The following PTPN9 variants were observed in gnomAD, a reference collection of about 807,000 sequenced individuals.
PTPN9 encodes tyrosine-protein phosphatase non-receptor type 9.
PTPN9 carries 26 observed loss-of-function variants against 69.8 expected under a neutral mutation model. The observed-to-expected ratio is 0.37, with a 90% CI of 0.27 to 0.52. The LOEUF (loss-of-function observed/expected upper bound fraction) is 0.52, where lower values mean the gene tolerates loss of function less well. Ranked by LOEUF, PTPN9 falls within the 20% of genes least tolerant of loss-of-function variation. The pLI is 0.91. For synonymous variants in PTPN9, 274 were observed against 272.5 expected, an observed-to-expected ratio of 1.01 and a Z score of -0.05; for missense variants, 549 against 740.3, an observed-to-expected ratio of 0.74 and a Z score of 3.00.
At position 75,551,000 on chromosome 15, in the gene PTPN9, A is replaced by G. The variant is rs189569078; in HGVS notation, c.64-23739T>C. On this transcript the variant is annotated intron_variant, in intron 1 of 12. Transcript: ENST00000618819. ...TGGAAGGAGAGAGACAAACAGACCA[A>G]TGTTTACTGAGTGCTTATAGTGTGC... Among the ~76,000 whole-genome samples the G allele has an allele frequency of 1.1e-3, 163 of 152,248 alleles. 1 individual carries two copies. The highest frequency in any genetic ancestry group is 3.8e-3 in the African/African-American group (156 of 41,538).
chr15:75,556,836 C>G (rs570651263), intron 1 of PTPN9, among the ~76,000 whole-genome samples: 4 of 152,126 alleles, frequency 2.6e-5, no homozygotes, highest in Non-Finnish European at 5.9e-5. Flanking sequence ...AAACTCTGTA[C>G]CCATTAAACA....
In PTPN9 at chr15:75,465,447, G is replaced by A. The variant is rs1177490152; in HGVS notation, c.*3322C>T. On this transcript the variant is annotated 3_prime_UTR_variant, in exon 13 of 13. Transcript: ENST00000618819. ...GCTTTGTTCACTAAGTCTCCTGTATGAGAACCCTGACTTGCCAAACAGATT... is the reference window on the plus strand; with the variant it reads ...GCTTTGTTCACTAAGTCTCCTGTATAAGAACCCTGACTTGCCAAACAGATT... The A allele has an allele frequency of 1.3e-5, 2 of 152,208 alleles. No homozygotes were observed. The allele number at this position is 152,208 out of a possible 1,614,324, so 9.4% of individuals were successfully genotyped here. A position where few individuals can be genotyped will look rare whatever the true frequency, so the allele number is the denominator to read the frequency against.
At chr15:75,534,585 G>A (rs1460676627) in intron 1 of PTPN9, among the ~76,000 whole-genome samples, 2 of 151,884 alleles carry the variant, frequency 1.3e-5, no homozygotes, top group East Asian at 1.9e-4. Context: ...TGAGGTGGGA[G>A]GAGTGCTTGA....
intron 8 of PTPN9, among the ~76,000 whole-genome samples, chr15:75,482,193 C>T (rs951036380): frequency 2.6e-5 from 4 of 151,732 alleles, no homozygotes; most frequent in South Asian, 2.1e-4. Context: ...TGTGCTGTGT[C>T]CACTCAGGGT....
chr15:75,494,852 C>G (rs1314590042), intron 7 of PTPN9, among the ~76,000 whole-genome samples: 1 of 151,398 alleles, frequency 6.6e-6, no homozygotes, highest in East Asian at 2.0e-4. Flanking sequence ...GGTGAAACTC[C>G]GTTTCTACCA....
chr15:75,518,750 G>A (rs2074885479), intron 4 of PTPN9, among the ~76,000 whole-genome samples: 1 of 150,990 alleles, frequency 6.6e-6, no homozygotes, highest in Non-Finnish European at 1.5e-5. Flanking sequence ...CCAAGAGGCA[G>A]AGGTTGCAGT....
At chr15:75,513,611 AC>A (rs2074854036) in intron 5 of PTPN9, among the ~76,000 whole-genome samples, 1 of 152,056 alleles carries the variant, frequency 6.6e-6, no homozygotes, top group Non-Finnish European at 1.5e-5. Flanking sequence ...TACTAAAAAT[AC>A]AAAAATTAGC....
chr15:75,509,206 T>C (rs1248806918), intron 5 of PTPN9, among the ~76,000 whole-genome samples, 179 bp from the exon 6 acceptor site: 1 of 152,214 alleles, frequency 6.6e-6, no homozygotes, highest in Non-Finnish European at 1.5e-5. Context: ...AATTAGAAGC[T>C]GATTTACCTT....
intron 1 of PTPN9, chr15:75,570,397 C>A: frequency 6.6e-6 from 1 of 152,198 alleles, no homozygotes. Context: ...AAAACCCTTG[C>A]CTTTGGGAAA....
chr15:75,505,879 T>G lies in PTPN9; in HGVS notation c.764A>C (p.Asn255Thr). 1.2e-6 allele frequency: 2 copies of G among 1,614,088 alleles called. No homozygotes were observed. The highest frequency in any genetic ancestry group is 1.7e-6 in the Non-Finnish European group (2 of 1,180,022). The part of the protein sequence containing the change: ...TWNFQFLPQV[N>T]GHPDPFDEII... ...CTCATCGAAGGGATCTGGGTGGCCG[T>G]TCACCTGGGGTAGGAACTGGAAATT... The change falls in exon 7 of 13, where the codon AAC (asparagine) becomes ACC (threonine). Residue 255 changes from asparagine (N) to threonine (T), a missense_variant. Asn to Thr is a moderately conservative substitution (Grantham distance 65, BLOSUM62 0). Transcript: ENST00000618819.
intron 1 of PTPN9, among the ~76,000 whole-genome samples, chr15:75,552,902 G>T (rs2075062157): frequency 6.6e-6 from 1 of 151,304 alleles, no homozygotes; most frequent in Non-Finnish European, 1.5e-5. Flanking sequence ...GGTAAAAATA[G>T]AACACAAATC....
intron 5 of PTPN9, among the ~76,000 whole-genome samples, chr15:75,512,166 AG>A (rs1300446690): frequency 2.0e-5 from 3 of 151,940 alleles, no homozygotes; most frequent in Non-Finnish European, 4.4e-5. Flanking sequence ...TATTTTAAGA[AG>A]CTGTTTCTAA....
rs369309692 is a variant in PTPN9 at position 75,469,947 on chromosome 15, T to C, written c.1412A>G (p.Tyr471Cys). ...THFQFLSWPDYGVPSSAASLI... is the reference protein window; with the variant it reads ...THFQFLSWPDCGVPSSAASLI... ...GGAAGCTGCTGAGGAAGGGACACCA[T>C]AGTCTGGCCAGCTCAAGAACTGGAA... Residue 471 changes from tyrosine (Y) to cysteine (C), a missense_variant, in exon 12 of 13, where the codon TAT becomes TGT. Physicochemically the swap from Tyr to Cys is radical, Grantham distance 194. Coordinates refer to ENST00000618819, the MANE Select transcript of PTPN9 (RefSeq NM_002833.4). The C allele has an allele frequency of 3.7e-6, 6 of 1,614,012 alleles. No individual in the cohort carries two copies. The African/African-American group carries it at 5.3e-5, about 14-fold the overall frequency.
At chr15:75,529,932 C>T (rs576308582) in intron 1 of PTPN9, among the ~76,000 whole-genome samples, 61 of 148,598 alleles carry the variant, frequency 4.1e-4, no homozygotes, top group East Asian at 1.4e-3. Flanking sequence ...AATGGCTGGG[C>T]GTGTTGGCTT....
At chr15:75,482,147 T>G (rs981600463) in intron 8 of PTPN9, among the ~76,000 whole-genome samples, 56 of 151,824 alleles carry the variant, frequency 3.7e-4, no homozygotes, top group Non-Finnish European at 6.3e-4. Flanking sequence ...CCTGTTGATC[T>G]GTGACCTTAC....
chr15:75,493,618 G>A (rs905578294), intron 7 of PTPN9, among the ~76,000 whole-genome samples: 4 of 151,954 alleles, frequency 2.6e-5, no homozygotes, highest in Non-Finnish European at 5.9e-5. Flanking sequence ...AAATCAGCAG[G>A]GCATGGTGGC....
At chr15:75,541,832 G>A (rs2075010007) in intron 1 of PTPN9, among the ~76,000 whole-genome samples, 1 of 151,618 alleles carries the variant, frequency 6.6e-6, no homozygotes, top group Non-Finnish European at 1.5e-5. Flanking sequence ...TCAGCCTCCT[G>A]AGATTGAGAC....
At chr15:75,562,613 C>T (rs1231997659) in intron 1 of PTPN9, among the ~76,000 whole-genome samples, 4 of 151,902 alleles carry the variant, frequency 2.6e-5, no homozygotes, top group Non-Finnish European at 4.4e-5. Flanking sequence ...GGGTGGATCA[C>T]GAGGTCAGGA....
chr15:75,504,848 G>T (rs1190651557), intron 7 of PTPN9, among the ~76,000 whole-genome samples: 3 of 66,878 alleles, frequency 4.5e-5, no homozygotes, highest in Non-Finnish European at 8.2e-5. Flanking sequence ...GGAGGGAGGT[G>T]GGGGGGTCTG....
Sources: allele counts gnomAD v4.1 joint callset (sites outside exome capture counted in the v4.1 genomes callset), GRCh38; gene constraint gnomAD v4.1.1; transcripts MANE v1.5; gene names NCBI Gene and HGNC (gene_info 2026-07-23, HGNC 2026-07-21).